ZNF385D: variants seen among roughly 807,000 people sequenced by gnomAD.
The protein encoded by ZNF385D is zinc finger protein 385D, also known as zinc finger protein 659.
In ZNF385D, 15 loss-of-function variants were observed where a neutral mutation model predicts 35.8. The ratio of observed to expected loss-of-function variants is 0.42; its 90% CI spans 0.28 to 0.64. The LOEUF (loss-of-function observed/expected upper bound fraction) is 0.64, where lower values mean the gene tolerates loss of function less well. Among genes scored for constraint, ZNF385D ranks in the 30% least tolerant of loss-of-function variants. ZNF385D has a pLI of 0.23. For missense variants in ZNF385D, 474 were observed against 494.6 expected, an observed-to-expected ratio of 0.96 and a Z score of 0.39; for synonymous variants, 212 against 186.8, an observed-to-expected ratio of 1.13 and a Z score of -1.10.
chr3:21,977,167 C>G (rs1197339301), intron 3 of ZNF385D, among the ~76,000 whole-genome samples: 1 of 152,012 alleles, frequency 6.6e-6, no homozygotes, highest in African/African-American at 2.4e-5. Flanking sequence ...GATTGATTTC[C>G]AAGGGACAGC....
In ZNF385D at chr3:22,177,248, G is replaced by A. The variant is rs570246789; in HGVS notation, c.107-8213C>T. Reference sequence around the variant, plus strand: ...ACATCAACCCTATTTTCTTGAAAATGCACCAAATATCTTTGTGCTTTCAGC... The same window carrying A: ...ACATCAACCCTATTTTCTTGAAAATACACCAAATATCTTTGTGCTTTCAGC... On this transcript the variant is annotated intron_variant, in intron 2 of 5. Transcript: ENST00000494108. Among the ~76,000 whole-genome samples the A allele has an allele frequency of 5.3e-5, 8 of 152,244 alleles. No homozygotes were observed. The South Asian group carries it at 1.5e-3, about 28-fold the overall frequency.
chr3:21,784,791 G>T (rs1345248769), intron 3 of ZNF385D, among the ~76,000 whole-genome samples: 2 of 152,030 alleles, frequency 1.3e-5, no homozygotes, highest in Non-Finnish European at 2.9e-5. Flanking sequence ...AATAAGGACA[G>T]GGTCAATTTT....
chr3:22,292,392 A>C (rs778327620), intron 2 of ZNF385D, among the ~76,000 whole-genome samples: 26 of 152,022 alleles, frequency 1.7e-4, no homozygotes, highest in Non-Finnish European at 3.4e-4. Context: ...CAAAACTCTA[A>C]GCTTTTAAGT....
chr3:22,063,428 A>T (rs1232998483), intron 3 of ZNF385D, among the ~76,000 whole-genome samples: 1 of 152,196 alleles, frequency 6.6e-6, no homozygotes, highest in Non-Finnish European at 1.5e-5. Flanking sequence ...GTATCATGAT[A>T]CAAAATTTCA....
At position 22,362,945 on chromosome 3, in the gene ZNF385D, A is replaced by G. The variant is rs116576859; in HGVS notation, c.106+9505T>C. Reference sequence around the variant, plus strand: ...CATTGCAAGAGGCAGAAAGAGTAATAAAACAAAATCTCTACTGTCACAGAA... The same window carrying G: ...CATTGCAAGAGGCAGAAAGAGTAATGAAACAAAATCTCTACTGTCACAGAA... On this transcript the variant is annotated intron_variant, in intron 2 of 5. Transcript: ENST00000494108. Among the ~76,000 whole-genome samples the G allele has an allele frequency of 3.2e-3, 483 of 152,256 alleles. 1 individual carries two copies. Among genetic ancestry groups the G allele is most frequent in the African/African-American group, 0.011 (455 of 41,554 alleles).
rs147820544 is a variant in ZNF385D at position 21,732,026 on chromosome 3, CGGG to C, written c.22+18866_22+18868del. 1.7e-3 allele frequency among the ~76,000 whole-genome samples: 42 copies of C among 24,124 alleles called. 12 individuals are homozygous for C. Among genetic ancestry groups the C allele is most frequent in the Middle Eastern group, 0.019 (1 of 52 alleles). The allele number at this position is 24,124 out of a possible 152,430, so 15.8% of individuals were successfully genotyped here. On this transcript the variant is annotated intron_variant, in intron 1 of 7. Coordinates refer to ENST00000281523, the MANE Select transcript of ZNF385D (RefSeq NM_024697.3). ...TCTATTCAGGGTTTTTTTCTTTTTT[CGGG>C]GTTTTTTTTTTTTTTTTTTTTTTTT...
At chr3:22,250,725 GC>G (rs1700019306) in intron 2 of ZNF385D, among the ~76,000 whole-genome samples, 1 of 152,038 alleles carries the variant, frequency 6.6e-6, no homozygotes, top group Admixed American at 6.6e-5. Context: ...GCCTGCCCTG[GC>G]TACAAAACAG....
chr3:21,826,571 T>C (rs892450123), intron 3 of ZNF385D, among the ~76,000 whole-genome samples: 1 of 152,112 alleles, frequency 6.6e-6, no homozygotes, highest in Admixed American at 6.5e-5. Flanking sequence ...GTGTGAATGA[T>C]AGTAACTTTT....
chr3:22,177,097 T>A (rs1370885422), intron 2 of ZNF385D, among the ~76,000 whole-genome samples: 3 of 152,196 alleles, frequency 2.0e-5, no homozygotes, highest in Non-Finnish European at 2.9e-5. Context: ...AGGGCCTCCT[T>A]GGCAAAACAT....
At chr3:21,426,312 A>C (rs567819151) in intron 5 of ZNF385D, among the ~76,000 whole-genome samples, 1 of 152,292 alleles carries the variant, frequency 6.6e-6, no homozygotes, top group African/African-American at 2.4e-5. Flanking sequence ...ATGACCAAGA[A>C]GATGAGGGGT....
chr3:22,216,406 T>C lies in ZNF385D; in HGVS notation c.107-47371A>G, dbSNP rs537811510. ...GACTGAAAGCCCCTTTCATTTTAATTTGTGGAATGTACAGGAAACATTCCA... is the reference window on the plus strand; with the variant it reads ...GACTGAAAGCCCCTTTCATTTTAATCTGTGGAATGTACAGGAAACATTCCA... On this transcript the variant is annotated intron_variant, in intron 2 of 5. Coordinates refer to the ZNF385D transcript ENST00000494108. Among the ~76,000 whole-genome samples the C allele has an allele frequency of 2.6e-5, 4 of 152,164 alleles. No homozygotes were observed. In the East Asian group the frequency reaches 7.8e-4, roughly 30 times the overall value.
At chr3:21,738,190 T>G (rs745803453) in intron 1 of ZNF385D, among the ~76,000 whole-genome samples, 2 of 152,182 alleles carry the variant, frequency 1.3e-5, no homozygotes, top group South Asian at 4.1e-4. Flanking sequence ...TTCAAACAAC[T>G]GCTGCTCTAT....
At chr3:22,290,453 GAGA>G (rs1410219487) in intron 2 of ZNF385D, among the ~76,000 whole-genome samples, 2 of 152,128 alleles carry the variant, frequency 1.3e-5, no homozygotes, top group Admixed American at 6.6e-5. Context: ...CACAGGGTTG[GAGA>G]AGAAGCTGGG....
intron 1 of ZNF385D, among the ~76,000 whole-genome samples, chr3:21,728,621 T>A (rs1383834552): frequency 4.6e-5 from 7 of 152,188 alleles, no homozygotes; most frequent in Admixed American, 4.6e-4. Context: ...TTAGTGCAGT[T>A]AATTCTTACA....
At chr3:21,972,068 A>C (rs992662353) in intron 3 of ZNF385D, among the ~76,000 whole-genome samples, 6 of 151,960 alleles carry the variant, frequency 3.9e-5, no homozygotes, top group Admixed American at 1.3e-4. Flanking sequence ...AAAATCAACA[A>C]AGAAAAATTG....
At chr3:21,989,543 C>G (rs1237593932) in intron 3 of ZNF385D, among the ~76,000 whole-genome samples, 1 of 152,188 alleles carries the variant, frequency 6.6e-6, no homozygotes, top group Non-Finnish European at 1.5e-5. Flanking sequence ...GGACTTGGAA[C>G]AAATATTTGA....
intron 3 of ZNF385D, among the ~76,000 whole-genome samples, chr3:21,996,583 G>A (rs1336390536): frequency 6.6e-6 from 1 of 152,120 alleles, no homozygotes; most frequent in Admixed American, 6.5e-5. Flanking sequence ...TTTAATGAGT[G>A]AGCACTCACT....
At chr3:21,958,965 G>A (rs777658828) in intron 3 of ZNF385D, 7 of 152,226 alleles carry the variant, frequency 4.6e-5, no homozygotes, top group Non-Finnish European at 8.8e-5. Context: ...TTAAAGCCCT[G>A]AGATTTCATA....
At chr3:21,513,227 A>G (rs1223038774) in intron 3 of ZNF385D, among the ~76,000 whole-genome samples, 2 of 152,138 alleles carry the variant, frequency 1.3e-5, no homozygotes, top group African/African-American at 2.4e-5. Flanking sequence ...AAAAACAAAA[A>G]CAAACCAAAA....
Sources: gnomAD v4.1 joint callset for allele counts (sites outside exome capture counted in the v4.1 genomes callset) on GRCh38, gnomAD v4.1.1 for gene constraint, MANE v1.5 for transcripts, NCBI Gene and HGNC (gene_info 2026-07-23, HGNC 2026-07-21) for gene names.